PROS1: variants seen among roughly 807,000 people sequenced by gnomAD.
PROS1 encodes the protein protein S.
A neutral mutation model predicts 75.9 loss-of-function variants in PROS1; 29 were observed. The observed-to-expected ratio is 0.38, with a 90% confidence interval of 0.28 to 0.52. The LOEUF (loss-of-function observed/expected upper bound fraction) is 0.52. PROS1 is among the 20% of genes least tolerant of loss of function. The pLI is 0.83. For synonymous variants in PROS1, 245 were observed against 280.6 expected (o/e 0.87, Z 1.27); for missense variants, 680 against 810.3 (o/e 0.84, Z 1.95).
chr3:93,879,587 T>C (rs1708245359), intron 12 of PROS1, among the ~76,000 whole-genome samples: 1 of 148,578 alleles, frequency 6.7e-6, no homozygotes, highest in African/African-American at 2.6e-5. Flanking sequence ...TTTCCCAGTT[T>C]GCTCTTTAAC....
intron 1 of PROS1, among the ~76,000 whole-genome samples, chr3:93,950,961 A>G (rs1337661752): frequency 6.6e-6 from 1 of 152,216 alleles, no homozygotes; most frequent in African/African-American, 2.4e-5. Context: ...ATGAATGGCT[A>G]ACAGGAATAA....
chr3:93,918,549 G>A (rs576731219), intron 3 of PROS1, among the ~76,000 whole-genome samples: 16 of 152,170 alleles, frequency 1.1e-4, no homozygotes, highest in African/African-American at 2.4e-4. Flanking sequence ...AAGAAACTCC[G>A]AACATCAGAA....
chr3:93,910,175 C>G (rs1708738877), intron 4 of PROS1, among the ~76,000 whole-genome samples: 1 of 152,192 alleles, frequency 6.6e-6, no homozygotes, highest in African/African-American at 2.4e-5. Context: ...CATTAGGCCC[C>G]TTGTGAACTT....
chr3:93,910,669 G>A lies in PROS1; in HGVS notation c.296C>T (p.Ala99Val). ...LRSFQTGLFT[A>V]ARQSTNAYPD... ...ATAAGCATTAGTTGACTGACGTGCA[G>A]CAGTGAATAACCCAGTTTGAAAAGA... Residue 99 changes from alanine (A) to valine (V), a missense_variant, in exon 4 of 15, where the codon GCT becomes GTT. Transcript: ENST00000394236. 6.2e-7 allele frequency: 1 copy of A among 1,613,586 alleles called. No individual in the cohort carries two copies. The highest frequency in any genetic ancestry group is 8.5e-7 in the Non-Finnish European group (1 of 1,179,728).
At chr3:93,951,206 C>A (rs936070100) in intron 1 of PROS1, among the ~76,000 whole-genome samples, 21 of 152,120 alleles carry the variant, frequency 1.4e-4, no homozygotes, top group Non-Finnish European at 2.6e-4. Flanking sequence ...CCCAACCTAG[C>A]AAGGCAGGCC....
Position 93,971,627 on chromosome 3 carries a change from C to CCACACACACACA in PROS1, c.76+2035_76+2046dup, listed in dbSNP as rs748664337. Among the ~76,000 whole-genome samples, 190 of 124,448 alleles carry CCACACACACACA rather than the reference C, an allele frequency of 1.5e-3. 1 individual carries two copies. Among genetic ancestry groups the CCACACACACACA allele is most frequent in the East Asian group, 0.012 (48 of 3,908 alleles). 81.6% of individuals were successfully genotyped at this position (124,448 alleles called of 152,430 possible). A position where few individuals can be genotyped will look rare whatever the true frequency, so the allele number is the denominator to read the frequency against. Reference sequence around the variant, plus strand: ...CCAAAAAAACAAAACAAAATAAAAACCACACACACACACACACACACACAC... The same window carrying CCACACACACACA: ...CCAAAAAAACAAAACAAAATAAAAACCACACACACACACACACACACACACACACACACACAC... On this transcript the variant is annotated intron_variant, in intron 1 of 14. Coordinates refer to ENST00000394236, the MANE Select transcript of PROS1 (RefSeq NM_000313.4).
chr3:93,902,582 G>A (rs551042114), intron 6 of PROS1, among the ~76,000 whole-genome samples: 2 of 151,832 alleles, frequency 1.3e-5, no homozygotes, highest in East Asian at 3.9e-4. Flanking sequence ...GCAAAACCCC[G>A]TCTTTACCAA....
At chr3:93,937,370 T>C (rs1709200202) in intron 1 of PROS1, among the ~76,000 whole-genome samples, 1 of 8,026 alleles carries the variant, frequency 1.2e-4, no homozygotes, top group African/African-American at 2.8e-4. Flanking sequence ...ATGAGTTGAT[T>C]TTTTTTTTTT....
intron 6 of PROS1, among the ~76,000 whole-genome samples, chr3:93,903,674 A>G (rs1708631060): frequency 6.6e-6 from 1 of 152,220 alleles, no homozygotes; most frequent in Non-Finnish European, 1.5e-5. Flanking sequence ...TCTTAAAAAA[A>G]CAATAAAAAC....
At chr3:93,952,035 C>T (rs886802034) in intron 1 of PROS1, among the ~76,000 whole-genome samples, 7 of 152,146 alleles carry the variant, frequency 4.6e-5, no homozygotes, top group African/African-American at 1.7e-4. Flanking sequence ...GAGCTAACAA[C>T]CCTAAATATA....
intron 8 of PROS1, among the ~76,000 whole-genome samples, chr3:93,897,353 T>G (rs1393375470): frequency 7.8e-6 from 1 of 128,120 alleles, no homozygotes; most frequent in African/African-American, 3.5e-5. Context: ...TACAAATTAT[T>G]GAACACATAT....
intron 9 of PROS1, among the ~76,000 whole-genome samples, chr3:93,895,636 C>T (rs1708492080): frequency 6.6e-6 from 1 of 152,148 alleles, no homozygotes; most frequent in African/African-American, 2.4e-5. Flanking sequence ...ATTTTGCCTT[C>T]TCATTATTCC....
intron 10 of PROS1, among the ~76,000 whole-genome samples, chr3:93,887,232 A>G (rs1352693963): frequency 1.3e-5 from 2 of 152,236 alleles, no homozygotes; most frequent in Non-Finnish European, 2.9e-5. Context: ...AGTTCTTAAT[A>G]TAAAGTAAGA....
At chr3:93,897,179 A>G (rs902983200) in intron 8 of PROS1, among the ~76,000 whole-genome samples, 2 of 152,120 alleles carry the variant, frequency 1.3e-5, no homozygotes, top group African/African-American at 4.8e-5. Context: ...TGTGCTATCT[A>G]GATAGTAAAG....
chr3:93,917,299 T>C (rs1469925497), intron 3 of PROS1, among the ~76,000 whole-genome samples: 3 of 152,238 alleles, frequency 2.0e-5, no homozygotes, highest in East Asian at 3.8e-4. Context: ...TGTTTTGTTT[T>C]TTGTTTCTTT....
chr3:93,884,626 C>G, intron 12 of PROS1, 102 bp downstream of exon 12: 1 of 1,316,916 alleles, frequency 7.6e-7, no homozygotes, highest in Non-Finnish European at 1.1e-6. Flanking sequence ...AGTGGGCACA[C>G]AGTAGATACT....
At chr3:93,874,524 T>G in intron 14 of PROS1, 119 bp from the exon 15 acceptor site, 1 of 1,350,214 alleles carries the variant, frequency 7.4e-7, no homozygotes, top group Admixed American at 2.2e-5. Flanking sequence ...AAGGAAAAGT[T>G]AATAGTGAAA....
At chr3:93,927,995 A>G (rs202164220) in intron 1 of PROS1, among the ~76,000 whole-genome samples, 1,037 of 16,404 alleles carry the variant, frequency 0.063, 4 homozygotes, top group Non-Finnish European at 0.084. Flanking sequence ...GTGTGTGTGT[A>G]TATATATATA....
intron 1 of PROS1, among the ~76,000 whole-genome samples, chr3:93,964,849 T>C (rs1220922823): frequency 2.0e-5 from 3 of 152,182 alleles, no homozygotes; most frequent in African/African-American, 4.8e-5. Flanking sequence ...TTTCTCTTTA[T>C]TTCTCAGCCA....
Sources: allele counts gnomAD v4.1 joint callset (sites outside exome capture counted in the v4.1 genomes callset), GRCh38; gene constraint gnomAD v4.1.1; transcripts MANE v1.5; gene names NCBI Gene and HGNC (gene_info 2026-07-23, HGNC 2026-07-21).